ADAM12: variants seen among roughly 807,000 people sequenced by gnomAD.
ADAM12 encodes the protein disintegrin and metalloproteinase domain-containing protein 12.
In ADAM12, 70 loss-of-function variants were observed where a neutral mutation model predicts 106.4. The observed-to-expected ratio is 0.66, with a 90% CI of 0.54 to 0.80. ADAM12 has a LOEUF of 0.80. Among genes scored for constraint, ADAM12 ranks in the 30% least tolerant of loss-of-function variants. The pLI is 0.00. For missense variants in ADAM12, 1,010 were observed against 1,171.9 expected (o/e 0.86, Z 2.02); for synonymous variants, 420 against 433.5 (o/e 0.97, Z 0.39).
chr10:126,037,124 C>T (rs1954074489), intron 20 of ADAM12, among the ~76,000 whole-genome samples: 1 of 152,062 alleles, frequency 6.6e-6, no homozygotes, highest in African/African-American at 2.4e-5. Context: ...TATACTCTGG[C>T]TTTTCTTCTT....
At chr10:126,229,839 A>G (rs1337717362) in intron 3 of ADAM12, among the ~76,000 whole-genome samples, 1 of 151,984 alleles carries the variant, frequency 6.6e-6, no homozygotes. Context: ...CATGATTGTT[A>G]ATCTCTTACT....
chr10:126,026,788 A>G (rs999239180), intron 21 of ADAM12, among the ~76,000 whole-genome samples: 1 of 152,236 alleles, frequency 6.6e-6, no homozygotes, highest in Non-Finnish European at 1.5e-5. Context: ...GGAAAGGTAT[A>G]ACACTAAATG....
In ADAM12 at chr10:126,015,351, G is replaced by A. The variant is rs185264993; in HGVS notation, c.*1928C>T. 1.5e-4 allele frequency: 23 copies of A among 152,296 alleles called. No homozygotes were observed. In the East Asian group the frequency reaches 3.1e-3, roughly 20 times the overall value. 9.4% of individuals were successfully genotyped at this position (152,296 alleles called of 1,614,324 possible). A position where few individuals can be genotyped will look rare whatever the true frequency, so the allele number is the denominator to read the frequency against. ...GGGCATCTAAAAAGACAATGCCCAC[G>A]TAATGCACCATAAAATTCTGTAAAC... On this transcript the variant is annotated 3_prime_UTR_variant, in exon 23 of 23. Transcript: ENST00000448723.
chr10:126,226,029 C>T (rs1958187483), intron 3 of ADAM12, among the ~76,000 whole-genome samples: 1 of 151,690 alleles, frequency 6.6e-6, no homozygotes, highest in South Asian at 2.1e-4. Context: ...GCAGCAGGGA[C>T]AGGCATCTTA....
In ADAM12 at chr10:126,016,280, TC is replaced by T; in HGVS notation, c.*998del. On this transcript the variant is annotated 3_prime_UTR_variant, in exon 23 of 23. Transcript: ENST00000448723. ...CAGTAAACAGACTTGATTGACTAGATCTGGTTAATGGTTCACATCTGAAAAT... is the reference window on the plus strand; with the variant it reads ...CAGTAAACAGACTTGATTGACTAGATTGGTTAATGGTTCACATCTGAAAAT... The T allele has an allele frequency of 6.6e-6, 1 of 152,160 alleles. No individual in the cohort carries two copies. Among genetic ancestry groups the T allele is most frequent in the South Asian group, 2.1e-4 (1 of 4,830 alleles). 9.4% of individuals were successfully genotyped at this position (152,160 alleles called of 1,614,324 possible).
chr10:126,098,520 A>C lies in ADAM12; in HGVS notation c.912-20T>G. 1.3e-6 allele frequency: 2 copies of C among 1,589,176 alleles called. 1 individual carries two copies. The highest frequency in any genetic ancestry group is 2.2e-5 in the South Asian group (2 of 90,520). Reference sequence around the variant, plus strand: ...ACCCCACTAGGAAATAAAAGAGAGGACTTTCTTTAATCAAATTAGAACGGG... The same window carrying C: ...ACCCCACTAGGAAATAAAAGAGAGGCCTTTCTTTAATCAAATTAGAACGGG... On this transcript the variant is annotated intron_variant, in intron 9 of 22. Transcript: ENST00000448723.
At chr10:126,027,884 A>G (rs1293457649) in intron 21 of ADAM12, among the ~76,000 whole-genome samples, 2 of 152,218 alleles carry the variant, frequency 1.3e-5, no homozygotes, top group African/African-American at 4.8e-5. Flanking sequence ...AAGTGTATTC[A>G]AATAGGAAGA....
chr10:126,049,350 C>G lies in ADAM12; in HGVS notation c.1820G>C (p.Gly607Ala). Residue 607 changes from glycine to alanine, a missense_variant, in exon 16 of 23, where the codon GGA becomes GCA. Transcript: ENST00000448723. The surrounding 1 kb of genome is among the most constrained non-coding windows in gnomAD (Gnocchi z 4.4). ...GGTCCCCCGGCACAGAATCCGGCCT[C>G]CTTGCTGCAGGGGGATGTTTGTTTC... is the stretch of plus-strand genomic sequence containing the variant. Reference protein sequence around the residue: ...SIETNIPLQQGGRILCRGTHV... With the variant: ...SIETNIPLQQAGRILCRGTHV... 6.2e-7 allele frequency: 1 copy of G among 1,614,208 alleles called. No individual in the cohort carries two copies.
chr10:126,078,710 T>G (rs1187421311), intron 11 of ADAM12, among the ~76,000 whole-genome samples: 1 of 151,304 alleles, frequency 6.6e-6, no homozygotes, highest in East Asian at 1.9e-4. Context: ...CTTTTATACT[T>G]TTTTTTGAAT....
intron 5 of ADAM12, among the ~76,000 whole-genome samples, chr10:126,128,789 C>T (rs55831500): frequency 0.04 from 5,231 of 130,736 alleles, 255 homozygotes; most frequent in East Asian, 0.16. Context: ...GTGTGGTGCG[C>T]GTGTCGGAAT....
chr10:126,129,619 G>A (rs1956268355), intron 5 of ADAM12, among the ~76,000 whole-genome samples: 1 of 152,216 alleles, frequency 6.6e-6, no homozygotes, highest in Non-Finnish European at 1.5e-5. Flanking sequence ...TGTAAAAAGG[G>A]GGAGGAGAAT....
chr10:126,324,501 G>A (rs776523874), intron 2 of ADAM12, among the ~76,000 whole-genome samples: 2 of 152,166 alleles, frequency 1.3e-5, no homozygotes, highest in East Asian at 1.9e-4. Context: ...GGTGTCATCC[G>A]GGACTTCCGA....
intron 3 of ADAM12, among the ~76,000 whole-genome samples, chr10:126,278,162 T>C (rs561283342): frequency 1.3e-4 from 20 of 152,198 alleles, no homozygotes; most frequent in African/African-American, 4.6e-4. Flanking sequence ...GAAAATTGAG[T>C]TCTATCTTTA....
intron 2 of ADAM12, among the ~76,000 whole-genome samples, chr10:126,316,393 A>G (rs1023859116): frequency 1.3e-5 from 2 of 152,344 alleles, no homozygotes; most frequent in Admixed American, 1.3e-4. Context: ...GTCAAAACTC[A>G]TGGAGATAAT....
intron 3 of ADAM12, among the ~76,000 whole-genome samples, chr10:126,199,795 A>G (rs1957664579): frequency 6.6e-6 from 1 of 152,248 alleles, no homozygotes; most frequent in African/African-American, 2.4e-5. Context: ...AAGTCATCCT[A>G]TCCCTGTCTC....
At chr10:126,217,852 G>A (rs1430238894) in intron 3 of ADAM12, among the ~76,000 whole-genome samples, 1 of 151,680 alleles carries the variant, frequency 6.6e-6, no homozygotes, top group Admixed American at 6.6e-5. Flanking sequence ...GCACAGGCCT[G>A]TAGTCCCAGC....
chr10:126,022,164 TTCATTC>T (rs1474638603), intron 21 of ADAM12, among the ~76,000 whole-genome samples: 1 of 152,226 alleles, frequency 6.6e-6, no homozygotes, highest in East Asian at 1.9e-4. Context: ...AGGTTAGCCA[TTCATTC>T]TAGTTTGCCT....
intron 3 of ADAM12, among the ~76,000 whole-genome samples, chr10:126,160,577 A>G (rs1410309453): frequency 6.6e-6 from 1 of 152,176 alleles, no homozygotes; most frequent in Non-Finnish European, 1.5e-5. Flanking sequence ...CCAAGACTCC[A>G]GGTGTCATGC....
chr10:126,117,364 A>T (rs574925793), intron 6 of ADAM12, among the ~76,000 whole-genome samples: 1 of 152,296 alleles, frequency 6.6e-6, no homozygotes, highest in South Asian at 2.1e-4. Flanking sequence ...TGCTGCTGCA[A>T]AAAGGAAGAC....
Sources: allele counts gnomAD v4.1 joint callset (sites outside exome capture counted in the v4.1 genomes callset), GRCh38; gene constraint gnomAD v4.1.1; non-coding constraint Gnocchi (gnomAD v3.1); transcripts MANE v1.5; gene names NCBI Gene and HGNC (gene_info 2026-07-23, HGNC 2026-07-21).